CCDC25: variants seen among roughly 807,000 people sequenced by gnomAD.
CCDC25 encodes coiled-coil domain containing 25, also known as coiled-coil domain-containing protein 25.
In CCDC25, 16 loss-of-function variants were observed where a neutral mutation model predicts 35.3. The ratio of observed to expected loss-of-function variants is 0.45; its 90% confidence interval spans 0.31 to 0.69. The LOEUF (loss-of-function observed/expected upper bound fraction) is 0.69. Ranked by LOEUF, CCDC25 falls within the 30% of genes least tolerant of loss-of-function variation. The pLI is 0.06. For synonymous variants in CCDC25, 79 were observed against 80.3 expected, an observed-to-expected ratio of 0.98 and a Z score of 0.09; for missense variants, 179 against 250.7, an observed-to-expected ratio of 0.71 and a Z score of 1.93.
intron 2 of CCDC25, among the ~76,000 whole-genome samples, chr8:27,764,865 G>C (rs1804347432): frequency 6.6e-6 from 1 of 152,104 alleles, no homozygotes; most frequent in African/African-American, 2.4e-5. Flanking sequence ...TTAAAAAATA[G>C]ACCTTAGTAC....
chr8:27,766,676 A>C (rs908984993), intron 1 of CCDC25, among the ~76,000 whole-genome samples: 9 of 152,128 alleles, frequency 5.9e-5, no homozygotes, highest in Admixed American at 2.6e-4. Flanking sequence ...TCAATCCTAT[A>C]ACGTCACTAC....
rs1274366059 is a variant in CCDC25 at position 27,737,490 on chromosome 8, C to T, written c.598-1245G>A. 1.3e-5 allele frequency among the ~76,000 whole-genome samples: 2 copies of T among 152,160 alleles called. No homozygotes were observed. The highest frequency in any genetic ancestry group is 2.9e-5 in the Non-Finnish European group (2 of 68,026). ...TTTTGGAATTACAGTAATTATTCTT[C>T]TTGATGAACCTGTATATGCTAAATT... On this transcript the variant is annotated intron_variant, in intron 8 of 8. Coordinates refer to ENST00000356537, the MANE Select transcript of CCDC25 (RefSeq NM_018246.3). This position sits in a 1 kb window ranked among gnomAD's most constrained non-coding sequence, Gnocchi z 4.6.
At chr8:27,760,376 C>G (rs1397245387) in intron 3 of CCDC25, among the ~76,000 whole-genome samples, 1 of 152,200 alleles carries the variant, frequency 6.6e-6, no homozygotes, top group African/African-American at 2.4e-5. Flanking sequence ...TTTCCATCAG[C>G]TAACTGCCTA....
chr8:27,768,049 T>A (rs570489675), intron 1 of CCDC25, among the ~76,000 whole-genome samples: 32 of 150,824 alleles, frequency 2.1e-4, no homozygotes, highest in African/African-American at 7.6e-4. Flanking sequence ...AAAAAAAAAA[T>A]TTTTTTAATT....
intron 4 of CCDC25, among the ~76,000 whole-genome samples, chr8:27,755,078 T>A (rs1315112062): frequency 6.6e-6 from 1 of 152,156 alleles, no homozygotes; most frequent in East Asian, 1.9e-4. Context: ...ATCTCATACA[T>A]GCACATGAAC....
chr8:27,768,738 T>C (rs150951075), intron 1 of CCDC25, among the ~76,000 whole-genome samples: 54 of 152,334 alleles, frequency 3.5e-4, no homozygotes, highest in African/African-American at 1.2e-3. Flanking sequence ...AACCGGTTAT[T>C]TGGAAGACAC....
rs12543169 is a variant in CCDC25 at position 27,756,620 on chromosome 8, C to A, written c.168+99G>T. 1.8e-5 allele frequency: 14 copies of A among 795,962 alleles called. No homozygotes were observed. In the Admixed American group the frequency reaches 2.8e-4, roughly 16 times the overall value. The allele number at this position is 795,962 out of a possible 1,614,324, so 49.3% of individuals were successfully genotyped here. A position where few individuals can be genotyped will look rare whatever the true frequency, so the allele number is the denominator to read the frequency against. ...TTTGTTAACTTTTAGATTTGCGTAC[C>A]AACTTATTACTGTAAGCAATTTAAT... On this transcript the variant is annotated intron_variant, in intron 4 of 8. Transcript: ENST00000356537.
Position 27,752,523 on chromosome 8 carries a change from T to C in CCDC25, c.233A>G (p.Asn78Ser), listed in dbSNP as rs1803848113. ...CTAGGAAAACTGACCTTGAATGCTA[T>C]TGGCCTTCACAAGGTGGGCACAGTC... ...LMDCAHLVKA[N>S]SIQGCKMNNV... Residue 78 changes from asparagine to serine, a missense_variant, in exon 5 of 9, where the codon AAT becomes AGT. Physicochemically the swap from Asn to Ser is conservative, Grantham distance 46 (BLOSUM62 1). Coordinates refer to ENST00000356537, the MANE Select transcript of CCDC25 (RefSeq NM_018246.3). 1.2e-6 allele frequency: 2 copies of C among 1,612,912 alleles called. No individual in the cohort carries two copies. The highest frequency in any genetic ancestry group is 1.7e-6 in the Non-Finnish European group (2 of 1,179,086).
intron 8 of CCDC25, among the ~76,000 whole-genome samples, chr8:27,738,630 G>A (rs1803335651): frequency 6.6e-6 from 1 of 150,470 alleles, no homozygotes; most frequent in Non-Finnish European, 1.5e-5. Flanking sequence ...GTGTGTATTT[G>A]TTTATTTCTC....
chr8:27,750,726 A>C (rs1407480798), intron 5 of CCDC25, among the ~76,000 whole-genome samples: 1 of 152,246 alleles, frequency 6.6e-6, no homozygotes, highest in African/African-American at 2.4e-5. Flanking sequence ...GAGTCAAGAC[A>C]GTTTCTAAAC....
chr8:27,738,987 G>A (rs1400236454), intron 8 of CCDC25, among the ~76,000 whole-genome samples: 1 of 152,148 alleles, frequency 6.6e-6, no homozygotes, highest in African/African-American at 2.4e-5. Flanking sequence ...CTTTCACATC[G>A]ATGTGTCTTT....
intron 3 of CCDC25, among the ~76,000 whole-genome samples, chr8:27,762,072 T>G (rs1474125623): frequency 6.6e-6 from 1 of 152,188 alleles, no homozygotes; most frequent in Non-Finnish European, 1.5e-5. Flanking sequence ...GATGCTTGTA[T>G]CTATTTTCTT....
chr8:27,754,587 C>G (rs1233756611), intron 4 of CCDC25: 1 of 152,332 alleles, frequency 6.6e-6, no homozygotes, highest in Non-Finnish European at 1.5e-5. Context: ...GCCTCCGCCT[C>G]CTGGGCTCAA....
At chr8:27,764,813 AC>A (rs1408202398) in intron 2 of CCDC25, among the ~76,000 whole-genome samples, 1 of 152,174 alleles carries the variant, frequency 6.6e-6, no homozygotes, top group African/African-American at 2.4e-5. Flanking sequence ...GTCTACTTCG[AC>A]AGCATTTACT....
chr8:27,752,587 C>A lies in CCDC25; in HGVS notation c.169G>T (p.Gly57Ter). 6.2e-7 allele frequency: 1 copy of A among 1,612,508 alleles called. No individual in the cohort carries two copies. Among genetic ancestry groups the A allele is most frequent in the Non-Finnish European group, 8.5e-7 (1 of 1,178,876 alleles). ...TTTGGGATGTCTTCTATATTCTCTC[C>A]CTGAAACACAAAAATAAACCAATTG... ...SAHVYLRLHK[G>*]ENIEDIPKEV... The change falls in exon 5 of 9, where the codon GGA becomes TGA. Residue 57 changes from glycine (G) to a stop codon, truncating the protein, a stop_gained and splice_region_variant. Transcript: ENST00000356537. LOFTEE classifies it high-confidence loss of function.
chr8:27,765,634 AAAAAG>A (rs1479532863), intron 1 of CCDC25, among the ~76,000 whole-genome samples: 106 of 151,996 alleles, frequency 7.0e-4, no homozygotes, highest in Non-Finnish European at 9.9e-4. Flanking sequence ...GAGTTAAAAA[AAAAAG>A]AAAAGAAAAG....
rs1554547232 is a variant in CCDC25, at chr8:27,734,589, C to CAGGGGAGGTTGG, written c.*1626_*1627insCCAACCTCCCCT. On this transcript the variant is annotated 3_prime_UTR_variant, in exon 9 of 9. Coordinates refer to ENST00000356537, the MANE Select transcript of CCDC25 (RefSeq NM_018246.3). ...AGGGTTAGGGGCATAGGAATCAACA[C>CAGGGGAGGTTGG]AGAGCTATGAATTCAACAAGAGAAT... The CAGGGGAGGTTGG allele has an allele frequency of 6.6e-6, 1 of 151,858 alleles. No individual in the cohort carries two copies. Among genetic ancestry groups the CAGGGGAGGTTGG allele is most frequent in the African/African-American group, 2.4e-5 (1 of 41,314 alleles). 9.4% of individuals were successfully genotyped at this position (151,858 alleles called of 1,614,324 possible).
At chr8:27,742,961 A>G in intron 7 of CCDC25, among the ~76,000 whole-genome samples, 1 of 152,196 alleles carries the variant, frequency 6.6e-6, no homozygotes, top group Non-Finnish European at 1.5e-5. Context: ...TACCTCCCTG[A>G]CATCTTTTTG....
intron 5 of CCDC25, among the ~76,000 whole-genome samples, chr8:27,750,575 A>G (rs1803764135): frequency 6.6e-6 from 1 of 152,178 alleles, no homozygotes; most frequent in Non-Finnish European, 1.5e-5. Flanking sequence ...GAACAATACA[A>G]GCCAGGTGCA....
Sources: gnomAD v4.1 joint callset for allele counts (sites outside exome capture counted in the v4.1 genomes callset) on GRCh38, gnomAD v4.1.1 for gene constraint, Gnocchi (gnomAD v3.1) non-coding constraint, MANE v1.5 for transcripts, NCBI Gene and HGNC (gene_info 2026-07-23, HGNC 2026-07-21) for gene names.